The following ITGAL variants were observed in gnomAD, a reference collection of about 807,000 sequenced individuals.
ITGAL encodes the protein integrin alpha-L.
Under a neutral mutation model 138.4 loss-of-function variants are expected in ITGAL, and 68 were observed. The observed-to-expected ratio is 0.49, with a 90% CI of 0.40 to 0.60. The LOEUF is 0.60. Ranked by LOEUF, ITGAL falls within the 20% of genes least tolerant of loss-of-function variation. The probability of loss-of-function intolerance (pLI) is 0.00; values close to 1 mark genes in which losing one functional copy is unlikely to be tolerated. For synonymous variants in ITGAL, 561 were observed against 584.3 expected, an observed-to-expected ratio of 0.96 and a Z score of 0.57; for missense variants, 1,256 against 1,478.6, an observed-to-expected ratio of 0.85 and a Z score of 2.47.
intron 11 of ITGAL, among the ~76,000 whole-genome samples, chr16:30,490,768 G>T (rs538494468): frequency 6.6e-6 from 1 of 152,168 alleles, no homozygotes; most frequent in African/African-American, 2.4e-5. Flanking sequence ...AAGAGTTCAA[G>T]ACCAGCCTGG....
At chr16:30,489,970 T>C (rs993090995) in intron 11 of ITGAL, among the ~76,000 whole-genome samples, 1 of 151,688 alleles carries the variant, frequency 6.6e-6, no homozygotes, top group African/African-American at 2.4e-5. Context: ...CTGACACCTG[T>C]AATCCCAGCA....
chr16:30,499,731 A>ATTTTTTTTT (rs1391197801), intron 17 of ITGAL, among the ~76,000 whole-genome samples: 1 of 96,682 alleles, frequency 1.0e-5, no homozygotes, highest in African/African-American at 6.1e-5. Context: ...ATATATATAT[A>ATTTTTTTTT]TATTTTTTTT....
At chr16:30,482,783 A>G (rs2050578600) in intron 7 of ITGAL, among the ~76,000 whole-genome samples, 1 of 151,866 alleles carries the variant, frequency 6.6e-6, no homozygotes, top group African/African-American at 2.4e-5. Flanking sequence ...GCTATGGCCA[A>G]CCCAACTTGC....
chr16:30,513,355 C>T (rs11574947), intron 24 of ITGAL, among the ~76,000 whole-genome samples: 24,226 of 152,114 alleles, frequency 0.16, 2,754 homozygotes, highest in East Asian at 0.52. Context: ...GGCCGTTGGC[C>T]AATGCTGAGC....
chr16:30,521,587 T>C lies in ITGAL; in HGVS notation c.3435T>C (p.Ser1145=), dbSNP rs145060595. Residue 1145 remains serine (S), a synonymous_variant, in exon 31 of 31, where the codon TCT becomes TCC. Coordinates refer to ENST00000356798, the MANE Select transcript of ITGAL (RefSeq NM_002209.3). Reference sequence around the variant, plus strand: ...CAGAAGACTCTGAGCAGCTGGCATCTGGGCAAGAGGCTGGGGATCCCGGCT... The same window carrying C: ...CAGAAGACTCTGAGCAGCTGGCATCCGGGCAAGAGGCTGGGGATCCCGGCT... ...IPAEDSEQLA[S]GQEAGDPGCL... The C allele has an allele frequency of 2.4e-4, 393 of 1,614,192 alleles. No homozygotes were observed. Among genetic ancestry groups the C allele is most frequent in the Non-Finnish European group, 3.2e-4 (376 of 1,180,036 alleles).
chr16:30,477,804 T>C (rs561947158), intron 4 of ITGAL, among the ~76,000 whole-genome samples: 2 of 151,588 alleles, frequency 1.3e-5, no homozygotes, highest in East Asian at 3.9e-4. Flanking sequence ...GAGAATCACC[T>C]GAGCCCAGGA....
In ITGAL at chr16:30,483,811, C is replaced by T; in HGVS notation, c.723-16C>T. On this transcript the variant is annotated splice_polypyrimidine_tract_variant and intron_variant, in intron 7 of 30. Transcript: ENST00000356798. ...AGTTTGGGGGAGTCTCTCATCTCCT[C>T]CTTTCCTGGACACAGGACAGAGGTG... 1.3e-6 allele frequency: 2 copies of T among 1,598,932 alleles called. No homozygotes were observed. The highest frequency in any genetic ancestry group is 1.7e-6 in the Non-Finnish European group (2 of 1,169,786).
chr16:30,494,905 G>C lies in ITGAL; in HGVS notation c.1503+55G>C. The C allele has an allele frequency of 2.6e-6, 4 of 1,521,036 alleles. No individual in the cohort carries two copies. In the South Asian group the frequency reaches 5.0e-5, roughly 19 times the overall value. 94.2% of individuals were successfully genotyped at this position (1,521,036 alleles called of 1,614,324 possible). On this transcript the variant is annotated intron_variant, in intron 13 of 30. Transcript: ENST00000356798. The surrounding 1 kb of genome is among the most constrained non-coding windows in gnomAD (Gnocchi z 4.2). Reference sequence around the variant, plus strand: ...GGAGGGAGAGCAGCAGAGATTCGCAGCTCCCAGTTATTCTGAAGGCTTTCT... The same window carrying C: ...GGAGGGAGAGCAGCAGAGATTCGCACCTCCCAGTTATTCTGAAGGCTTTCT...
rs2050794556 is a variant in ITGAL at position 30,496,099 on chromosome 16, GGGGTTT to G, written c.1508_1513del (p.Gly503_Phe504del). 6.2e-7 allele frequency: 1 copy of G among 1,613,494 alleles called. No homozygotes were observed. Among genetic ancestry groups the G allele is most frequent in the African/African-American group, 1.3e-5 (1 of 75,000 alleles). On this transcript the variant is annotated inframe_deletion, in exon 14 of 31. Coordinates refer to ENST00000356798, the MANE Select transcript of ITGAL (RefSeq NM_002209.3). ...ACCTGTCTCTTGCTACTTCCTAGTT[GGGGTTT>G]GAAGAAGTCTCAGAGCTGCAGGGGG...
chr16:30,518,695 T>C lies in ITGAL; in HGVS notation c.3204T>C (p.Tyr1068=), dbSNP rs755686120. The C allele has an allele frequency of 8.7e-6, 14 of 1,613,682 alleles. No individual in the cohort carries two copies. Among genetic ancestry groups the C allele is most frequent in the Non-Finnish European group, 1.2e-5 (14 of 1,179,646 alleles). ...ACAGCAGCAAGCATTTCCACCTCTA[T>C]GGCAGCAACGCCTCCCTGGCCCAGG... The part of the protein sequence containing the change: ...SFNSSKHFHL[Y]GSNASLAQVV... The change falls in exon 29 of 31, where the codon TAT becomes TAC. Residue 1068 remains tyrosine, a synonymous_variant. Coordinates refer to ENST00000356798, the MANE Select transcript of ITGAL (RefSeq NM_002209.3).
rs1310487931 is a variant in ITGAL, at chr16:30,513,714, C to G, written c.2787-57C>G. On this transcript the variant is annotated intron_variant, in intron 24 of 30. Coordinates refer to ENST00000356798, the MANE Select transcript of ITGAL (RefSeq NM_002209.3). ...CAGTGGCTGGGCGCTCAGAAGCTTCCTGGAGCCCGGGTTGCTGTCACTTCG... is the reference window on the plus strand; with the variant it reads ...CAGTGGCTGGGCGCTCAGAAGCTTCGTGGAGCCCGGGTTGCTGTCACTTCG... 1.5e-5 allele frequency: 21 copies of G among 1,385,120 alleles called. No homozygotes were observed. The Admixed American group carries it at 3.5e-4, about 23-fold the overall frequency. The allele number at this position is 1,385,120 out of a possible 1,614,324, so 85.8% of individuals were successfully genotyped here.
At position 30,499,066 on chromosome 16, in the gene ITGAL, C is replaced by A. The variant is rs2151160659; in HGVS notation, c.1833-8C>A. ...GAGGGAGAGAGTTGGTTGCCTTCTG[C>A]CCTGCAGCTCCCGGCCCGTGGTGGA... is the stretch of plus-strand genomic sequence containing the variant. On this transcript the variant is annotated splice_region_variant and splice_polypyrimidine_tract_variant and intron_variant, in intron 15 of 30. Transcript: ENST00000356798. 1.2e-6 allele frequency: 2 copies of A among 1,613,212 alleles called. No individual in the cohort carries two copies. Among genetic ancestry groups the A allele is most frequent in the East Asian group, 4.5e-5 (2 of 44,862 alleles).
At position 30,484,130 on chromosome 16, in the gene ITGAL, G is replaced by C. The variant is rs1336006529; in HGVS notation, c.873G>C (p.Gln291His). The change falls in exon 9 of 31, where the codon CAG becomes CAC. Residue 291 changes from glutamine to histidine, a missense_variant. Around this residue, in one of 3 missense-constraint regions of ITGAL, gnomAD observed 177 missense variants for 288.8 expected, o/e 0.61. Transcript: ENST00000356798. The part of the protein sequence containing the change: ...RYIIGIGKHF[Q>H]TKESQETLHK... ...CCTCACAGATTGGAAAGCATTTTCA[G>C]ACCAAGGAGAGTCAGGAGACCCTCC... The C allele has an allele frequency of 6.2e-7, 1 of 1,613,962 alleles. No homozygotes were observed. The highest frequency in any genetic ancestry group is 1.7e-5 in the Admixed American group (1 of 59,966).
intron 17 of ITGAL, 128 bp from the exon 18 acceptor site, chr16:30,504,047 C>G: frequency 1.4e-6 from 1 of 718,344 alleles, no homozygotes; most frequent in Non-Finnish European, 2.4e-6. Flanking sequence ...ATTTTCAATA[C>G]TGGTAGGGTC....
chr16:30,481,146 ACACAC>A, intron 6 of ITGAL: 2 of 32,520 alleles, frequency 6.2e-5, no homozygotes, highest in South Asian at 1.8e-3. Context: ...TACTAAAAAC[ACACAC>A]ACACACACAC....
chr16:30,494,784 G>A lies in ITGAL; in HGVS notation c.1437G>A (p.Leu479=). The change falls in exon 13 of 31, where the codon CTG becomes CTA. Residue 479 remains leucine (L), a synonymous_variant. Transcript: ENST00000356798. The surrounding 1 kb of genome is among the most constrained non-coding windows in gnomAD (Gnocchi z 4.2). ...VDQDGETELL[L]IGAPLFYGEQ... is the part of the protein sequence containing the mutation. ...AAGATGGGGAGACAGAGCTGCTGCT[G>A]ATTGGTGCCCCACTGTTCTATGGGG... is the stretch of plus-strand genomic sequence containing the variant. 1.2e-6 allele frequency: 2 copies of A among 1,613,570 alleles called. No homozygotes were observed. Among genetic ancestry groups the A allele is most frequent in the Non-Finnish European group, 1.7e-6 (2 of 1,179,634 alleles).
chr16:30,485,661 G>A (rs2050636544), intron 9 of ITGAL, among the ~76,000 whole-genome samples: 1 of 150,722 alleles, frequency 6.6e-6, no homozygotes, highest in Non-Finnish European at 1.5e-5. Context: ...ACAGGTGTGT[G>A]ATACCACACC....
In ITGAL at chr16:30,494,613, A is replaced by C; in HGVS notation, c.1366-100A>C. The C allele has an allele frequency of 7.1e-7, 1 of 1,405,258 alleles. No individual in the cohort carries two copies. The highest frequency in any genetic ancestry group is 2.7e-4 in the Middle Eastern group (1 of 3,712). The allele number at this position is 1,405,258 out of a possible 1,614,324, so 87.0% of individuals were successfully genotyped here. A position where few individuals can be genotyped will look rare whatever the true frequency, so the allele number is the denominator to read the frequency against. The stretch of plus-strand genomic sequence containing the variant: ...GGGTGGATCCAAGATTGGAACCTGC[A>C]TTTGAGGGAGTGGCACAAGATGAAC... On this transcript the variant is annotated intron_variant, in intron 12 of 30. Coordinates refer to ENST00000356798, the MANE Select transcript of ITGAL (RefSeq NM_002209.3). The surrounding 1 kb of genome is among the most constrained non-coding windows in gnomAD (Gnocchi z 4.2).
intron 24 of ITGAL, among the ~76,000 whole-genome samples, 192 bp downstream of exon 24, chr16:30,511,328 G>C (rs1276391508): frequency 6.6e-6 from 1 of 152,206 alleles, no homozygotes; most frequent in Non-Finnish European, 1.5e-5. Context: ...CCATGGAAGA[G>C]CTCAGGGAAG....
Sources: gnomAD v4.1 joint callset for allele counts (sites outside exome capture counted in the v4.1 genomes callset) on GRCh38, gnomAD v4.1.1 for gene constraint, gnomAD v4.1.1 regional missense constraint, Gnocchi (gnomAD v3.1) non-coding constraint, MANE v1.5 for transcripts, NCBI Gene and HGNC (gene_info 2026-07-23, HGNC 2026-07-21) for gene names.